The following KLHL1 variants were observed in gnomAD, a reference collection of about 807,000 sequenced individuals.
KLHL1 encodes the protein kelch-like protein 1.
A neutral mutation model predicts 77.7 loss-of-function variants in KLHL1; 47 were observed. The observed-to-expected ratio is 0.60, with a 90% CI of 0.48 to 0.77. The LOEUF is 0.77. Among genes scored for constraint, KLHL1 ranks in the 30% least tolerant of loss-of-function variants. The pLI, the probability that KLHL1 is intolerant of heterozygous loss-of-function variation, is 0.00. For missense variants in KLHL1, 925 were observed against 910.8 expected, an observed-to-expected ratio of 1.02 and a Z score of -0.20; for synonymous variants, 360 against 325.2, an observed-to-expected ratio of 1.11 and a Z score of -1.15.
At chr13:70,039,116 C>A (rs1886310888) in intron 1 of KLHL1, among the ~76,000 whole-genome samples, 1 of 144,304 alleles carries the variant, frequency 6.9e-6, no homozygotes, top group Non-Finnish European at 1.5e-5. Flanking sequence ...AGCTGGAGTA[C>A]AGTTGCAGTG....
chr13:70,062,297 C>G (rs1245092946), intron 1 of KLHL1, among the ~76,000 whole-genome samples: 3 of 151,892 alleles, frequency 2.0e-5, no homozygotes, highest in African/African-American at 7.3e-5. Flanking sequence ...CTGTATTTAC[C>G]AGTATCTGTA....
At chr13:69,965,780 T>A (rs893222190) in intron 2 of KLHL1, among the ~76,000 whole-genome samples, 1 of 152,136 alleles carries the variant, frequency 6.6e-6, no homozygotes, top group Non-Finnish European at 1.5e-5. Context: ...AACAGACTTA[T>A]TTCTGAAATG....
At chr13:69,947,114 T>G (rs1883558028) in intron 3 of KLHL1, among the ~76,000 whole-genome samples, 1 of 150,924 alleles carries the variant, frequency 6.6e-6, no homozygotes, top group Non-Finnish European at 1.5e-5. Context: ...CTAATTCTTG[T>G]GTGTTTCCAT....
intron 4 of KLHL1, among the ~76,000 whole-genome samples, chr13:69,927,179 G>A (rs906349037): frequency 2.8e-4 from 42 of 152,010 alleles, no homozygotes; most frequent in African/African-American, 4.1e-4. Context: ...TGTTACACAC[G>A]CAAAATGTAT....
chr13:69,988,758 T>A (rs1884943772), intron 1 of KLHL1, among the ~76,000 whole-genome samples: 1 of 152,172 alleles, frequency 6.6e-6, no homozygotes, highest in South Asian at 2.1e-4. Context: ...CAAGTATGTC[T>A]TCCTTTGACA....
chr13:69,912,760 C>G (rs974584582), intron 4 of KLHL1, among the ~76,000 whole-genome samples: 1 of 152,036 alleles, frequency 6.6e-6, no homozygotes. Flanking sequence ...TGTCGTCTAG[C>G]CTTTTCTTTT....
intron 7 of KLHL1, among the ~76,000 whole-genome samples, chr13:69,775,377 T>G (rs1424675220): frequency 6.6e-6 from 1 of 152,138 alleles, no homozygotes; most frequent in Non-Finnish European, 1.5e-5. Flanking sequence ...TATAATAATA[T>G]TCACACAAAT....
intron 1 of KLHL1, among the ~76,000 whole-genome samples, chr13:69,986,331 G>C (rs1042377633): frequency 6.6e-6 from 1 of 151,928 alleles, no homozygotes; most frequent in Non-Finnish European, 1.5e-5. Context: ...AGAGGGTTTT[G>C]AATGTTCTCA....
intron 5 of KLHL1, among the ~76,000 whole-genome samples, chr13:69,858,988 G>A (rs966164539): frequency 1.3e-5 from 2 of 151,886 alleles, no homozygotes; most frequent in Non-Finnish European, 2.9e-5. Context: ...ATTCATATAC[G>A]TGTCCATCCA....
chr13:70,055,670 G>A (rs140026038), intron 1 of KLHL1, among the ~76,000 whole-genome samples: 324 of 152,200 alleles, frequency 2.1e-3, no homozygotes, highest in African/African-American at 7.4e-3. Context: ...AAAGTGGCGA[G>A]TATGTAGTGA....
chr13:69,835,221 A>G (rs7337519), intron 6 of KLHL1, among the ~76,000 whole-genome samples: 34,885 of 152,008 alleles, frequency 0.23, 5,375 homozygotes, highest in African/African-American at 0.44. Context: ...GAAAAAGGAC[A>G]CTTCTGACTG....
chr13:69,913,282 G>T (rs1882302251), intron 4 of KLHL1, among the ~76,000 whole-genome samples: 1 of 152,172 alleles, frequency 6.6e-6, no homozygotes, highest in African/African-American at 2.4e-5. Context: ...GCCCAAGTTT[G>T]GCTTCCCAGG....
intron 4 of KLHL1, among the ~76,000 whole-genome samples, chr13:69,932,620 C>A (rs114405904): frequency 0.021 from 3,247 of 151,874 alleles, 54 homozygotes; most frequent in Middle Eastern, 0.054. Flanking sequence ...AACTTGAGAC[C>A]TATGACAGCT....
chr13:69,810,993 A>G (rs1310353319), intron 6 of KLHL1, among the ~76,000 whole-genome samples: 1 of 152,086 alleles, frequency 6.6e-6, no homozygotes, highest in Non-Finnish European at 1.5e-5. Flanking sequence ...CCTATCAAAT[A>G]AAAAAAGCCC....
intron 7 of KLHL1, among the ~76,000 whole-genome samples, chr13:69,779,559 C>A (rs950472519): frequency 6.6e-6 from 1 of 150,388 alleles, no homozygotes; most frequent in African/African-American, 2.5e-5. Flanking sequence ...TCTGGGATTA[C>A]TAATGGTGTC....
intron 6 of KLHL1, among the ~76,000 whole-genome samples, chr13:69,822,692 A>T (rs1210173955): frequency 6.6e-6 from 1 of 152,182 alleles, no homozygotes; most frequent in Non-Finnish European, 1.5e-5. Flanking sequence ...ACCTTATAAC[A>T]ATAGGCCAAG....
intron 1 of KLHL1, among the ~76,000 whole-genome samples, chr13:70,100,836 A>C (rs1887907251): frequency 6.6e-6 from 1 of 152,210 alleles, no homozygotes; most frequent in Admixed American, 6.5e-5. Flanking sequence ...AAACATACCT[A>C]AAATTATTTT....
chr13:69,789,282 CTTTTA>C (rs983134390), intron 7 of KLHL1, among the ~76,000 whole-genome samples: 14 of 151,570 alleles, frequency 9.2e-5, no homozygotes, highest in Non-Finnish European at 1.9e-4. Flanking sequence ...GTCTGTCTGT[CTTTTA>C]TTTTGTATGG....
In KLHL1 at chr13:70,093,335, T is replaced by C. The variant is rs1258446500; in HGVS notation, c.497+13868A>G. Among the ~76,000 whole-genome samples, 10 of 152,126 alleles carry C rather than the reference T, an allele frequency of 6.6e-5. 1 individual carries two copies. The highest frequency in any genetic ancestry group is 5.2e-4 in the Admixed American group (8 of 15,256). Reference sequence around the variant, plus strand: ...AAGTTTTCGTACCTCCTCTGATACATACCTTCAAAGACCAAACCAGATGGG... The same window carrying C: ...AAGTTTTCGTACCTCCTCTGATACACACCTTCAAAGACCAAACCAGATGGG... On this transcript the variant is annotated intron_variant, in intron 1 of 10. Coordinates refer to ENST00000377844, the MANE Select transcript of KLHL1 (RefSeq NM_020866.3).
Sources: gnomAD v4.1 joint callset for allele counts (sites outside exome capture counted in the v4.1 genomes callset) on GRCh38, gnomAD v4.1.1 for gene constraint, MANE v1.5 for transcripts, NCBI Gene and HGNC (gene_info 2026-07-23, HGNC 2026-07-21) for gene names.